The following DGCR8 variants were observed in gnomAD, a reference collection of about 807,000 sequenced individuals.
The protein encoded by DGCR8 is DGCR8 microprocessor complex subunit, also known as microprocessor complex subunit DGCR8.
In DGCR8, 14 loss-of-function variants were observed where a neutral mutation model predicts 78.5. The ratio of observed to expected loss-of-function variants is 0.18; its 90% CI spans 0.12 to 0.28. DGCR8 has a LOEUF of 0.28. Ranked by LOEUF, DGCR8 falls within the 10% of genes least tolerant of loss-of-function variation. The pLI, the probability that DGCR8 is intolerant of heterozygous loss-of-function variation, is 1.00. For synonymous variants in DGCR8, 399 were observed against 402.4 expected, an observed-to-expected ratio of 0.99 and a Z score of 0.10; for missense variants, 702 against 1,022.5, an observed-to-expected ratio of 0.69 and a Z score of 4.28.
In DGCR8 at chr22:20,101,139, A is replaced by G. The variant is rs923806395; in HGVS notation, c.1789-5038A>G. ...TTGAATCACAAAAGACAAACCTAGC[A>G]CTCAGGAAATCCTCAGGGTTTTAAG... On this transcript the variant is annotated intron_variant, in intron 9 of 13. Coordinates refer to ENST00000351989, the MANE Select transcript of DGCR8 (RefSeq NM_022720.7). 4.3e-6 allele frequency: 4 copies of G among 937,318 alleles called. No homozygotes were observed. The Admixed American group carries it at 1.8e-4, about 43-fold the overall frequency. 58.1% of individuals were successfully genotyped at this position (937,318 alleles called of 1,614,324 possible).
Position 20,094,774 on chromosome 22 carries a change from C to G in DGCR8, c.1767C>G (p.Pro589=), listed in dbSNP as rs762618815. The G allele has an allele frequency of 6.2e-7, 1 of 1,614,130 alleles. No individual in the cohort carries two copies. The highest frequency in any genetic ancestry group is 8.5e-7 in the Non-Finnish European group (1 of 1,179,980). Residue 589 remains proline, a synonymous_variant, in exon 9 of 14, where the codon CCC becomes CCG. Coordinates refer to ENST00000351989, the MANE Select transcript of DGCR8 (RefSeq NM_022720.7). ...TTAAACAGACCTCTGAAGAGAAGCC[C>G]AAAGACAGTGAAGAACTCGAGGTGA... ...DFVKQTSEEK[P]KDSEELEYFN...
chr22:20,100,332 T>C (rs1259206048), intron 9 of DGCR8: 1 of 984,364 alleles, frequency 1.0e-6, no homozygotes, highest in African/African-American at 1.7e-5. Flanking sequence ...CCCAAAGTGC[T>C]GGGATTATAG....
At chr22:20,090,931 G>A (rs1021308675) in intron 5 of DGCR8, among the ~76,000 whole-genome samples, 3 of 152,246 alleles carry the variant, frequency 2.0e-5, no homozygotes, top group African/African-American at 7.2e-5. Flanking sequence ...AGAAGAGCCT[G>A]TGATGGGGGC....
At chr22:20,093,924 G>A (rs1015631965) in intron 8 of DGCR8, among the ~76,000 whole-genome samples, 7 of 152,210 alleles carry the variant, frequency 4.6e-5, no homozygotes, top group African/African-American at 9.7e-5. Flanking sequence ...TGTCATTGCC[G>A]TGTGTTTTCC....
intron 9 of DGCR8, among the ~76,000 whole-genome samples, chr22:20,103,117 A>G (rs1337546162): frequency 6.6e-6 from 1 of 151,870 alleles, no homozygotes; most frequent in African/African-American, 2.4e-5. Context: ...CAGCCTGGGC[A>G]ACAAGAGCGA....
At chr22:20,095,020 C>T (rs557610589) in intron 9 of DGCR8, among the ~76,000 whole-genome samples, 3 of 152,134 alleles carry the variant, frequency 2.0e-5, no homozygotes, top group East Asian at 1.9e-4. Context: ...AGATTTTTGT[C>T]CTCTTTTGCA....
At chr22:20,103,383 C>T (rs559543985) in intron 9 of DGCR8, among the ~76,000 whole-genome samples, 1 of 152,210 alleles carries the variant, frequency 6.6e-6, no homozygotes, top group African/African-American at 2.4e-5. Context: ...TGAATAGTAC[C>T]TTAGTTCCAA....
chr22:20,082,734 T>A (rs1230278554), intron 1 of DGCR8, among the ~76,000 whole-genome samples: 3 of 151,898 alleles, frequency 2.0e-5, no homozygotes, highest in Non-Finnish European at 2.9e-5. Flanking sequence ...CCAGCTTGCC[T>A]GCTTGTAAAG....
At chr22:20,092,714 C>G (rs992435459) in intron 7 of DGCR8, 95 bp from the exon 8 acceptor site, 2 of 1,085,144 alleles carry the variant, frequency 1.8e-6, no homozygotes, top group African/African-American at 3.1e-5. Flanking sequence ...AGGGACAGCC[C>G]CTGACTGCGC....
In DGCR8 at chr22:20,090,026, G is replaced by A; in HGVS notation, c.1074G>A (p.Met358Ile). The change falls in exon 5 of 14, where the codon ATG (methionine) becomes ATA (isoleucine). Residue 358 changes from methionine (M) to isoleucine (I), a missense_variant. This residue lies in a region of DGCR8 where 119 missense variants were observed against 126.1 expected (regional missense o/e 0.94). Coordinates refer to ENST00000351989, the MANE Select transcript of DGCR8 (RefSeq NM_022720.7). Reference sequence around the variant, plus strand: ...TCCCTTGTCTGCATTATAAGAAAATGAAGGACAACGAGGAACGGGAGCAAA... The same window carrying A: ...TCCCTTGTCTGCATTATAAGAAAATAAAGGACAACGAGGAACGGGAGCAAA... ...SSIPCLHYKK[M>I]KDNEEREQSS... 1 of 1,614,134 alleles carries A rather than the reference G, an allele frequency of 6.2e-7. No homozygotes were observed. The highest frequency in any genetic ancestry group is 8.5e-7 in the Non-Finnish European group (1 of 1,180,008).
chr22:20,096,568 A>G, intron 9 of DGCR8: 21 of 757,090 alleles, frequency 2.8e-5, no homozygotes, highest in Non-Finnish European at 2.9e-5. Context: ...TTTAAACTAT[A>G]TAAGTGGATT....
intron 6 of DGCR8, 81 bp from the exon 7 acceptor site, chr22:20,091,788 G>C (rs2049566210): frequency 1.3e-6 from 2 of 1,501,370 alleles, no homozygotes; most frequent in East Asian, 4.5e-5. Context: ...TGAGCCCCTA[G>C]TTACTGACAT....
At chr22:20,109,502 C>G (rs1473865493) in intron 13 of DGCR8, among the ~76,000 whole-genome samples, 1 of 152,234 alleles carries the variant, frequency 6.6e-6, no homozygotes, top group East Asian at 1.9e-4. Flanking sequence ...TGGCAGTCCC[C>G]TGGCCTGGGT....
chr22:20,101,449 G>T (rs1399813759), intron 9 of DGCR8: 1 of 666,558 alleles, frequency 1.5e-6, no homozygotes, highest in Non-Finnish European at 1.9e-6. Flanking sequence ...ATGGTGGTGG[G>T]CGCCTGCAGT....
intron 9 of DGCR8, chr22:20,101,034 C>A (rs927340294): frequency 3.0e-6 from 1 of 328,098 alleles, no homozygotes; most frequent in Non-Finnish European, 4.4e-6. Context: ...GAAAGTTCCT[C>A]CCCTCTACTG....
intron 1 of DGCR8, among the ~76,000 whole-genome samples, chr22:20,081,496 C>T (rs1321235230): frequency 6.6e-6 from 1 of 152,206 alleles, no homozygotes; most frequent in Non-Finnish European, 1.5e-5. Flanking sequence ...CCCTTTGAGC[C>T]CTTTGCGGCC....
Position 20,086,149 on chromosome 22 carries a change from T to G in DGCR8, c.186T>G (p.Pro62=), listed in dbSNP as rs369100622. The G allele has an allele frequency of 5.6e-6, 9 of 1,614,058 alleles. No homozygotes were observed. The highest frequency in any genetic ancestry group is 1.7e-5 in the Admixed American group (1 of 60,004). The change falls in exon 2 of 14, where the codon CCT becomes CCG. Residue 62 remains proline, a synonymous_variant. Coordinates refer to ENST00000351989, the MANE Select transcript of DGCR8 (RefSeq NM_022720.7). The surrounding 1 kb of genome is among the most constrained non-coding windows in gnomAD (Gnocchi z 6.4). ...GSGGDGQSEL[P]AEDPFNFYGA... Reference sequence around the variant, plus strand: ...GTGGTGATGGACAGTCCGAACTCCCTGCTGAGGACCCCTTCAACTTCTACG... The same window carrying G: ...GTGGTGATGGACAGTCCGAACTCCCGGCTGAGGACCCCTTCAACTTCTACG...
intron 9 of DGCR8, chr22:20,100,640 C>G (rs998288290): frequency 5.1e-6 from 5 of 985,322 alleles, no homozygotes; most frequent in Non-Finnish European, 6.0e-6. Context: ...GTCAGGTTCT[C>G]AGCCTCCACT....
rs1043239661 is a variant in DGCR8, at chr22:20,111,011, T to G, written c.*903T>G. 5.0e-6 allele frequency: 2 copies of G among 397,360 alleles called. No individual in the cohort carries two copies. The highest frequency in any genetic ancestry group is 4.1e-5 in the African/African-American group (2 of 48,636). 24.6% of individuals were successfully genotyped at this position (397,360 alleles called of 1,614,324 possible). On this transcript the variant is annotated 3_prime_UTR_variant, in exon 14 of 14. Coordinates refer to ENST00000351989, the MANE Select transcript of DGCR8 (RefSeq NM_022720.7). ...TTCACAGTGAGAGTAGAAGGTAGATTTGGAATCATGCATTTTAGCAAGTGG... is the reference window on the plus strand; with the variant it reads ...TTCACAGTGAGAGTAGAAGGTAGATGTGGAATCATGCATTTTAGCAAGTGG...
Sources: allele counts gnomAD v4.1 joint callset (sites outside exome capture counted in the v4.1 genomes callset), GRCh38; gene constraint gnomAD v4.1.1; regional missense constraint gnomAD v4.1.1; non-coding constraint Gnocchi (gnomAD v3.1); transcripts MANE v1.5; gene names NCBI Gene and HGNC (gene_info 2026-07-23, HGNC 2026-07-21).